The following HS1BP3 variants were observed in gnomAD, a reference collection of about 807,000 sequenced individuals.
HS1BP3 encodes the protein HCLS1 binding protein 3.
In HS1BP3, 32 loss-of-function variants were observed where a neutral mutation model predicts 33.5. The observed-to-expected ratio is 0.95, with a 90% confidence interval of 0.72 to 1.28. The LOEUF (loss-of-function observed/expected upper bound fraction) is 1.28, where lower values mean the gene tolerates loss of function less well. HS1BP3 is among the 50% of genes most tolerant of loss of function. The pLI is 0.00. For synonymous variants in HS1BP3, 187 were observed against 209.2 expected, an observed-to-expected ratio of 0.89 and a Z score of 0.92; for missense variants, 486 against 502.3, an observed-to-expected ratio of 0.97 and a Z score of 0.31.
At chr2:20,589,552 G>A (rs376866577), downstream of HS1BP3, among the ~76,000 whole-genome samples, 12 of 152,172 alleles carry the variant, frequency 7.9e-5, no homozygotes, top group East Asian at 9.6e-4. Flanking sequence ...CCCCATAAGC[G>A]GCAGCTGGTC....
intron 5 of HS1BP3, among the ~76,000 whole-genome samples, chr2:20,585,145 C>T (rs1693650300): frequency 6.6e-6 from 1 of 152,164 alleles, no homozygotes; most frequent in Non-Finnish European, 1.5e-5. Flanking sequence ...AGCTCAGCCC[C>T]TCCTCCCACT....
At chr2:20,557,068 G>A (rs1353105028), downstream of HS1BP3, among the ~76,000 whole-genome samples, 1 of 152,152 alleles carries the variant, frequency 6.6e-6, no homozygotes, top group African/African-American at 2.4e-5. Flanking sequence ...TTGTCTGAAA[G>A]GGTATTTAAT....
intron 5 of HS1BP3, among the ~76,000 whole-genome samples, chr2:20,563,943 T>C (rs1693062928): frequency 2.0e-5 from 3 of 152,198 alleles, no homozygotes. Flanking sequence ...TGGAACCACT[T>C]AGTGTAGTCT....
chr2:20,599,862 C>T (rs1025961537), intron 2 of HS1BP3, among the ~76,000 whole-genome samples: 3 of 152,116 alleles, frequency 2.0e-5, no homozygotes, highest in African/African-American at 7.2e-5. Flanking sequence ...CTGATAATCT[C>T]CAAGGTTCAT....
intron 6 of HS1BP3, 77 bp from the exon 7 acceptor site, chr2:20,619,322 T>C: frequency 7.8e-7 from 1 of 1,283,882 alleles, no homozygotes; most frequent in Non-Finnish European, 1.1e-6. Context: ...GCAATGCCAG[T>C]GCCCACACGG....
chr2:20,556,273 T>C (rs1160619187), downstream of HS1BP3, among the ~76,000 whole-genome samples: 2 of 152,246 alleles, frequency 1.3e-5, no homozygotes. Context: ...ATATTATTTT[T>C]AGCTCTTTTA....
intron 4 of HS1BP3, among the ~76,000 whole-genome samples, chr2:20,634,476 G>A (rs1695060550): frequency 6.6e-6 from 1 of 152,218 alleles, no homozygotes; most frequent in African/African-American, 2.4e-5. Flanking sequence ...AGGCTGGAAT[G>A]AACAAAGAGG....
chr2:20,649,380 G>A (rs982285398), intron 1 of HS1BP3, among the ~76,000 whole-genome samples: 4 of 152,160 alleles, frequency 2.6e-5, no homozygotes, highest in African/African-American at 7.2e-5. Flanking sequence ...CTGTCCAGGC[G>A]CCACTCCATC....
At chr2:20,615,194 C>T (rs1694398520), downstream of HS1BP3, among the ~76,000 whole-genome samples, 1 of 152,258 alleles carries the variant, frequency 6.6e-6, no homozygotes, top group African/African-American at 2.4e-5. Context: ...CTGGCTTCCT[C>T]CCAGGACCCA....
intron 4 of HS1BP3, chr2:20,635,708 GGCACGT>G (rs1471362339): frequency 6.6e-6 from 1 of 152,194 alleles, no homozygotes; most frequent in Non-Finnish European, 1.5e-5. Context: ...AGTACGAAAA[GGCACGT>G]GCATTGTGCC....
intron 5 of HS1BP3, among the ~76,000 whole-genome samples, chr2:20,584,237 G>T (rs1277666303): frequency 6.6e-6 from 1 of 152,210 alleles, no homozygotes; most frequent in Admixed American, 6.5e-5. Flanking sequence ...AGGCTGTGCT[G>T]GGGAGGCCAG....
downstream of HS1BP3, among the ~76,000 whole-genome samples, chr2:20,587,674 A>AACCT (rs1693713612): frequency 1.3e-5 from 2 of 152,322 alleles, no homozygotes; most frequent in Non-Finnish European, 2.9e-5. Flanking sequence ...TGAACCTGGG[A>AACCT]GGCAGAGCTT....
At chr2:20,583,115 A>G (rs1259865273) in intron 5 of HS1BP3, among the ~76,000 whole-genome samples, 1 of 152,220 alleles carries the variant, frequency 6.6e-6, no homozygotes, top group Non-Finnish European at 1.5e-5. Context: ...GCGATGGAGC[A>G]GGCATGTGCC....
chr2:20,627,972 C>T (rs1462543458), intron 4 of HS1BP3, among the ~76,000 whole-genome samples: 3 of 152,148 alleles, frequency 2.0e-5, no homozygotes, highest in African/African-American at 4.8e-5. Flanking sequence ...GGTGCCAGCA[C>T]ATCTCCATCT....
downstream of HS1BP3, among the ~76,000 whole-genome samples, chr2:20,614,289 A>T (rs1056193237): frequency 6.6e-6 from 1 of 152,242 alleles, no homozygotes; most frequent in Non-Finnish European, 1.5e-5. Context: ...ACTGTGAGAT[A>T]ATACATTCCT....
At chr2:20,562,871 CTT>C (rs1693035528) in intron 5 of HS1BP3, among the ~76,000 whole-genome samples, 1 of 152,160 alleles carries the variant, frequency 6.6e-6, no homozygotes, top group Non-Finnish European at 1.5e-5. Flanking sequence ...AAGAAAAACA[CTT>C]TGGTTTTCTC....
At chr2:20,595,486 G>A (rs1471962064) in intron 3 of HS1BP3, among the ~76,000 whole-genome samples, 6 of 152,186 alleles carry the variant, frequency 3.9e-5, no homozygotes, top group Admixed American at 6.5e-5. Flanking sequence ...GTTCCCCTGA[G>A]GCAGCAGGAG....
At chr2:20,559,973 C>T (rs1311322063), downstream of HS1BP3, among the ~76,000 whole-genome samples, 1 of 151,828 alleles carries the variant, frequency 6.6e-6, no homozygotes, top group Non-Finnish European at 1.5e-5. Flanking sequence ...CACCCTGAGT[C>T]TCTAAATCCT....
At chr2:20,624,989 G>A in intron 4 of HS1BP3, 97 bp from the exon 5 acceptor site, 4 of 1,422,222 alleles carry the variant, frequency 2.8e-6, no homozygotes, top group Non-Finnish European at 3.9e-6. Flanking sequence ...GCAGTGGAGG[G>A]GCTGGATGCC....
Sources: gnomAD v4.1 joint callset for allele counts (sites outside exome capture counted in the v4.1 genomes callset) on GRCh38, gnomAD v4.1.1 for gene constraint, MANE v1.5 for transcripts, NCBI Gene and HGNC (gene_info 2026-07-23, HGNC 2026-07-21) for gene names.